PTGFRN: variants seen among roughly 807,000 people sequenced by gnomAD.
PTGFRN encodes prostaglandin F2 receptor inhibitor.
In PTGFRN, 35 loss-of-function variants were observed where a neutral mutation model predicts 83.2. The ratio of observed to expected loss-of-function variants is 0.42; its 90% CI spans 0.32 to 0.56. The LOEUF (loss-of-function observed/expected upper bound fraction) is 0.56, where lower values mean the gene tolerates loss of function less well. Among genes scored for constraint, PTGFRN ranks in the 20% least tolerant of loss-of-function variants. The pLI is 0.11. For synonymous variants in PTGFRN, 519 were observed against 498.6 expected, an observed-to-expected ratio of 1.04 and a Z score of -0.55; for missense variants, 1,051 against 1,179.5, an observed-to-expected ratio of 0.89 and a Z score of 1.60.
At position 116,910,231 on chromosome 1, in the gene PTGFRN, C is replaced by A. The variant is rs900928478; in HGVS notation, c.28C>A (p.Leu10Met). 4.1e-6 allele frequency: 6 copies of A among 1,456,826 alleles called. No homozygotes were observed. The African/African-American group carries it at 5.9e-5, about 14-fold the overall frequency. 90.2% of individuals were successfully genotyped at this position (1,456,826 alleles called of 1,614,324 possible). The change falls in exon 1 of 9, where the codon CTG becomes ATG. Residue 10 changes from leucine to methionine, a missense_variant. Leu to Met is a conservative substitution (Grantham distance 15, BLOSUM62 2). This residue lies in a region of PTGFRN where 127 missense variants were observed against 168.4 expected (regional missense o/e 0.75). Transcript: ENST00000393203. ...GGGGCGCCTGGCCTCGAGGCCGCTG[C>A]TGCTGGCGCTCCTGTCGTTGGGTGA... MGRLASRPLLLALLSLALCR... is the reference protein window; with the variant it reads MGRLASRPLMLALLSLALCR...
intron 2 of PTGFRN, 99 bp downstream of exon 2, chr1:116,942,182 C>G (rs1557963569): frequency 1.4e-6 from 2 of 1,411,014 alleles, no homozygotes; most frequent in Middle Eastern, 2.1e-4. Context: ...CTCTGAGGCT[C>G]TGCTCCCTCC....
chr1:116,960,814 G>T (rs569539288), intron 4 of PTGFRN, among the ~76,000 whole-genome samples: 27 of 152,274 alleles, frequency 1.8e-4, no homozygotes, highest in African/African-American at 6.3e-4. Flanking sequence ...GTTGGGTGGG[G>T]TTTTCCGATA....
In PTGFRN at chr1:116,923,503, A is replaced by G. The variant is rs1016100270; in HGVS notation, c.49+13251A>G. On this transcript the variant is annotated intron_variant, in intron 1 of 8. Coordinates refer to ENST00000393203, the MANE Select transcript of PTGFRN (RefSeq NM_020440.4). This position sits in a 1 kb window ranked among gnomAD's most constrained non-coding sequence, Gnocchi z 4.0. ...TTTTTTTCCTTGGCAGCTTGGGTGG[A>G]AGACAGATGACTCATGAGTTCTCAT... is the stretch of plus-strand genomic sequence containing the variant. Among the ~76,000 whole-genome samples the G allele has an allele frequency of 1.3e-5, 2 of 152,182 alleles. No homozygotes were observed. The highest frequency in any genetic ancestry group is 2.1e-4 in the South Asian group (1 of 4,810).
In PTGFRN at chr1:116,941,652, C is replaced by A; in HGVS notation, c.50-63C>A. ...TGAGCAGGAGCATCCACAGGTTTGC[C>A]ACATTTGTCCTGGGAAGACTTTCTG... On this transcript the variant is annotated intron_variant, in intron 1 of 8. Transcript: ENST00000393203. The surrounding 1 kb of genome is among the most constrained non-coding windows in gnomAD (Gnocchi z 5.0). 6.5e-7 allele frequency: 1 copy of A among 1,538,836 alleles called. No individual in the cohort carries two copies. The highest frequency in any genetic ancestry group is 2.2e-4 in the Middle Eastern group (1 of 4,588).
Position 116,909,994 on chromosome 1 carries a change from A to C in PTGFRN, c.-210A>C. The C allele has an allele frequency of 1.8e-6, 1 of 564,336 alleles. No individual in the cohort carries two copies. 35.0% of individuals were successfully genotyped at this position (564,336 alleles called of 1,614,324 possible). On this transcript the variant is annotated 5_prime_UTR_variant, in exon 1 of 9. Coordinates refer to ENST00000393203, the MANE Select transcript of PTGFRN (RefSeq NM_020440.4). ...GCTCCCGGGCCCGGCCGGCTGGAGG[A>C]GGGAGGGAAGGAGGCGGGAGGGAGC... is the stretch of plus-strand genomic sequence containing the variant.
intron 1 of PTGFRN, among the ~76,000 whole-genome samples, chr1:116,912,204 C>G (rs1649289862): frequency 1.3e-5 from 2 of 152,318 alleles, no homozygotes; most frequent in Middle Eastern, 6.8e-3. Flanking sequence ...ATATCCTGTC[C>G]TGGCTGGATG....
intron 4 of PTGFRN, among the ~76,000 whole-genome samples, chr1:116,953,814 G>T (rs1330126053): frequency 2.0e-5 from 3 of 151,112 alleles, no homozygotes; most frequent in Non-Finnish European, 2.9e-5. Flanking sequence ...TCTGGGAGGA[G>T]CAAATGAGGA....
At chr1:116,947,554 G>A (rs539433467) in intron 3 of PTGFRN, among the ~76,000 whole-genome samples, 1 of 152,330 alleles carries the variant, frequency 6.6e-6, no homozygotes, top group Admixed American at 6.5e-5. Flanking sequence ...CTACACAGCT[G>A]AAGAGACATC....
At chr1:116,962,325 C>T (rs762646706) in intron 5 of PTGFRN, 3 of 152,014 alleles carry the variant, frequency 2.0e-5, no homozygotes, top group Non-Finnish European at 4.4e-5. Flanking sequence ...CACTGGGTCA[C>T]AATTGGAAGC....
chr1:116,911,176 C>T (rs1406601328), intron 1 of PTGFRN, among the ~76,000 whole-genome samples: 1 of 152,194 alleles, frequency 6.6e-6, no homozygotes, highest in Non-Finnish European at 1.5e-5. Flanking sequence ...CCAGGGCCGA[C>T]TCTTAAATGT....
intron 5 of PTGFRN, chr1:116,962,357 T>C (rs1247854275): frequency 6.6e-6 from 1 of 152,218 alleles, no homozygotes; most frequent in Non-Finnish European, 1.5e-5. Flanking sequence ...TTAAAAAAAA[T>C]GCTGGTGCTT....
chr1:116,986,883 C>T lies in PTGFRN; in HGVS notation c.2556C>T (p.Tyr852=). Residue 852 remains tyrosine, a synonymous_variant, in exon 9 of 9, where the codon TAC becomes TAT. Transcript: ENST00000393203. ...VIGLLSCLIG[Y]CSSHWCCKKE... ...GGCTCCTGTCCTGTCTCATCGGGTA[C>T]TGCAGCTCCCACTGGTGTTGTAAGA... 3 of 1,614,256 alleles carry T rather than the reference C, an allele frequency of 1.9e-6. No individual in the cohort carries two copies. The highest frequency in any genetic ancestry group is 1.3e-5 in the African/African-American group (1 of 75,072).
chr1:116,915,676 T>C (rs1057509287), intron 1 of PTGFRN, among the ~76,000 whole-genome samples: 3 of 152,314 alleles, frequency 2.0e-5, no homozygotes, highest in African/African-American at 2.4e-5. Context: ...CCCCCGTAGA[T>C]TGAATGTACA....
chr1:116,970,262 G>A (rs1283800155), intron 6 of PTGFRN, among the ~76,000 whole-genome samples: 1 of 152,040 alleles, frequency 6.6e-6, no homozygotes, highest in Non-Finnish European at 1.5e-5. Context: ...TCAGATTGAG[G>A]AAGTTTCCTT....
chr1:116,973,491 G>A (rs1651060736), intron 6 of PTGFRN, among the ~76,000 whole-genome samples: 1 of 151,252 alleles, frequency 6.6e-6, no homozygotes, highest in Admixed American at 6.6e-5. Context: ...TGTAATCCCA[G>A]CTACCCAGGA....
chr1:116,950,830 A>T (rs1650326108), intron 4 of PTGFRN, among the ~76,000 whole-genome samples: 2 of 152,208 alleles, frequency 1.3e-5, no homozygotes, highest in Admixed American at 1.3e-4. Flanking sequence ...GAAAAGTAAA[A>T]GAAGCGGGGT....
chr1:116,910,602 G>A (rs1335326820), intron 1 of PTGFRN, among the ~76,000 whole-genome samples: 3 of 151,992 alleles, frequency 2.0e-5, no homozygotes, highest in Non-Finnish European at 2.9e-5. Flanking sequence ...CTCCCGGCCC[G>A]GAAGGTGCTG....
chr1:116,942,163 A>T lies in PTGFRN; in HGVS notation c.418+80A>T, dbSNP rs1650080444. ...GGGCTGTGGTGGACTTTGTCAAGAG[A>T]CTTAATTTCTCTGAGGCTCTGCTCC... On this transcript the variant is annotated intron_variant, in intron 2 of 8. Coordinates refer to ENST00000393203, the MANE Select transcript of PTGFRN (RefSeq NM_020440.4). 3.3e-6 allele frequency: 5 copies of T among 1,498,278 alleles called. No homozygotes were observed. In the South Asian group the frequency reaches 6.7e-5, roughly 20 times the overall value. The allele number at this position is 1,498,278 out of a possible 1,614,324, so 92.8% of individuals were successfully genotyped here. A position where few individuals can be genotyped will look rare whatever the true frequency, so the allele number is the denominator to read the frequency against.
At chr1:116,955,638 C>T (rs1362603778) in intron 4 of PTGFRN, among the ~76,000 whole-genome samples, 1 of 152,150 alleles carries the variant, frequency 6.6e-6, no homozygotes, top group Non-Finnish European at 1.5e-5. Context: ...TGAGATCAAG[C>T]AGAATGTAGC....
Sources: gnomAD v4.1 joint callset for allele counts (sites outside exome capture counted in the v4.1 genomes callset) on GRCh38, gnomAD v4.1.1 for gene constraint, gnomAD v4.1.1 regional missense constraint, Gnocchi (gnomAD v3.1) non-coding constraint, MANE v1.5 for transcripts, NCBI Gene and HGNC (gene_info 2026-07-23, HGNC 2026-07-21) for gene names.